SVEP1: variants seen among roughly 807,000 people sequenced by gnomAD.
The protein encoded by SVEP1 is sushi, von Willebrand factor type A, EGF and pentraxin domain-containing protein 1.
In SVEP1, 164 loss-of-function variants were observed where a neutral mutation model predicts 367.3. The ratio of observed to expected loss-of-function variants is 0.45; its 90% CI spans 0.39 to 0.51. SVEP1 has a LOEUF of 0.51. Among genes scored for constraint, SVEP1 ranks in the 20% least tolerant of loss-of-function variants. The pLI is 0.00. For synonymous variants in SVEP1, 1,666 were observed against 1,611.6 expected, an observed-to-expected ratio of 1.03 and a Z score of -0.81; for missense variants, 4,117 against 4,425.3, an observed-to-expected ratio of 0.93 and a Z score of 1.98.
chr9:110,512,959 C>CAT lies in SVEP1; in HGVS notation c.1268_1269dup (p.Gly424MetfsTer13). ...TAGCTCTCTGAACCGGACCACAAAC[C>CAT]ATTGGGTAGACATAAGATGATGCTG... is the stretch of plus-strand genomic sequence containing the variant. On this transcript the variant is annotated frameshift_variant, in exon 5 of 48. Transcript: ENST00000374469. LOFTEE classifies it high-confidence loss of function. 1 of 1,613,932 alleles carries CAT rather than the reference C, an allele frequency of 6.2e-7. No individual in the cohort carries two copies. The highest frequency in any genetic ancestry group is 8.5e-7 in the Non-Finnish European group (1 of 1,179,872).
intron 1 of SVEP1, among the ~76,000 whole-genome samples, chr9:110,567,636 G>A (rs1309624930): frequency 6.6e-6 from 1 of 152,160 alleles, no homozygotes; most frequent in Non-Finnish European, 1.5e-5. Flanking sequence ...TCTTACTGCT[G>A]GAGTTGTCTG....
chr9:110,572,898 A>G (rs1830583513), intron 1 of SVEP1, among the ~76,000 whole-genome samples: 1 of 151,560 alleles, frequency 6.6e-6, no homozygotes, highest in Non-Finnish European at 1.5e-5. Context: ...TTCATTATTC[A>G]TTCATTCCAT....
intron 39 of SVEP1, among the ~76,000 whole-genome samples, chr9:110,402,328 C>T (rs1827876821): frequency 6.6e-6 from 1 of 152,084 alleles, no homozygotes; most frequent in African/African-American, 2.4e-5. Flanking sequence ...TCTGGAGAGA[C>T]TGGTCCTCTT....
chr9:110,385,332 C>T (rs1325501539), intron 43 of SVEP1, among the ~76,000 whole-genome samples: 3 of 152,138 alleles, frequency 2.0e-5, no homozygotes, highest in African/African-American at 2.4e-5. Flanking sequence ...AAAAACGTTG[C>T]GTTATCACAA....
At chr9:110,542,930 G>A (rs1032292411) in intron 3 of SVEP1, among the ~76,000 whole-genome samples, 10 of 148,356 alleles carry the variant, frequency 6.7e-5, no homozygotes, top group East Asian at 2.0e-4. Context: ...AAACCTGCAC[G>A]TTGTGCACAT....
At chr9:110,447,125 A>T in intron 24 of SVEP1, 68 bp from the exon 25 acceptor site, 1 of 1,286,124 alleles carries the variant, frequency 7.8e-7, no homozygotes, top group Non-Finnish European at 9.9e-7. Flanking sequence ...TGATAATCTT[A>T]TCTCGAAAGA....
At chr9:110,392,886 T>C (rs1408824087) in intron 40 of SVEP1, among the ~76,000 whole-genome samples, 3 of 152,204 alleles carry the variant, frequency 2.0e-5, no homozygotes, top group Non-Finnish European at 4.4e-5. Context: ...ACTTTCGATG[T>C]GTAGTCTTTG....
At chr9:110,544,065 A>C (rs1402958916) in intron 3 of SVEP1, among the ~76,000 whole-genome samples, 1 of 152,088 alleles carries the variant, frequency 6.6e-6, no homozygotes, top group African/African-American at 2.4e-5. Flanking sequence ...TCAAGGCCAG[A>C]GGAAGCAGGA....
chr9:110,546,497 T>C (rs574451280), intron 2 of SVEP1, among the ~76,000 whole-genome samples: 3 of 152,322 alleles, frequency 2.0e-5, no homozygotes, highest in Non-Finnish European at 4.4e-5. Flanking sequence ...GTTAAGTTAT[T>C]CCAGTCTGGG....
rs142438137 is a variant in SVEP1, at chr9:110,520,120, C to T, written c.965-6014G>A. Among the ~76,000 whole-genome samples, 667 of 152,030 alleles carry T rather than the reference C, an allele frequency of 4.4e-3. 3 individuals are homozygous for T. Among genetic ancestry groups the T allele is most frequent in the Middle Eastern group, 0.024 (7 of 294 alleles). On this transcript the variant is annotated intron_variant, in intron 3 of 47. Transcript: ENST00000374469. The stretch of plus-strand genomic sequence containing the variant: ...AATAATCAAGAGTTTAAAACACTGG[C>T]GAACAGAGTTTTGAATAAAAATACC...
At chr9:110,377,751 C>A (rs1206797689) in intron 44 of SVEP1, among the ~76,000 whole-genome samples, 1 of 152,140 alleles carries the variant, frequency 6.6e-6, no homozygotes, top group Non-Finnish European at 1.5e-5. Context: ...ATCCTTTCAG[C>A]AAATTTTCAG....
chr9:110,535,488 T>C (rs920786625), intron 3 of SVEP1, among the ~76,000 whole-genome samples: 6 of 152,198 alleles, frequency 3.9e-5, no homozygotes, highest in Non-Finnish European at 5.9e-5. Context: ...TAGGATTGTC[T>C]TGGCTATTCT....
chr9:110,476,611 C>A lies in SVEP1; in HGVS notation c.2488-296G>T, dbSNP rs144954574. ...CTTTCGCTATATGGCTCTTTGGAAC[C>A]CTTTCTCTGACCCCATCTCCCACTC... On this transcript the variant is annotated intron_variant, in intron 13 of 47. Coordinates refer to ENST00000374469, the MANE Select transcript of SVEP1 (RefSeq NM_153366.4). 9.1e-4 allele frequency among the ~76,000 whole-genome samples: 139 copies of A among 152,236 alleles called. 2 individuals carry two copies. Among genetic ancestry groups the A allele is most frequent in the Admixed American group, 7.5e-3 (114 of 15,282 alleles).
chr9:110,385,757 A>C, intron 43 of SVEP1, 141 bp downstream of exon 43: 1 of 941,468 alleles, frequency 1.1e-6, no homozygotes, highest in Non-Finnish European at 1.4e-6. Flanking sequence ...AAATTTACAA[A>C]CATTAATGAG....
chr9:110,484,223 G>C (rs1186618622), intron 9 of SVEP1, among the ~76,000 whole-genome samples: 4 of 152,328 alleles, frequency 2.6e-5, no homozygotes, highest in African/African-American at 7.2e-5. Flanking sequence ...AGGCTAGGAG[G>C]TTATGTCCAG....
chr9:110,569,456 CA>C (rs11368565), intron 1 of SVEP1, among the ~76,000 whole-genome samples: 2,559 of 116,888 alleles, frequency 0.022, 35 homozygotes, highest in African/African-American at 0.057. Context: ...AACTCAGTCT[CA>C]AAAAAAAAAA....
intron 17 of SVEP1, among the ~76,000 whole-genome samples, chr9:110,466,955 CA>C (rs1564151099): frequency 6.6e-6 from 1 of 151,964 alleles, no homozygotes; most frequent in Admixed American, 6.6e-5. Flanking sequence ...GGACTTTGGC[CA>C]GATGCCCTGA....
At chr9:110,434,927 C>T (rs1272025217) in intron 29 of SVEP1, among the ~76,000 whole-genome samples, 2 of 151,776 alleles carry the variant, frequency 1.3e-5, no homozygotes, top group Non-Finnish European at 2.9e-5. Flanking sequence ...CAAAAGAGTA[C>T]CCCATCTCAA....
intron 40 of SVEP1, among the ~76,000 whole-genome samples, chr9:110,395,396 A>T (rs12855322): frequency 5.3e-5 from 8 of 152,188 alleles, no homozygotes; most frequent in African/African-American, 9.7e-5. Context: ...CACTGCAAAA[A>T]CATGCCAAAT....
Sources: allele counts gnomAD v4.1 joint callset (sites outside exome capture counted in the v4.1 genomes callset), GRCh38; gene constraint gnomAD v4.1.1; transcripts MANE v1.5; gene names NCBI Gene and HGNC (gene_info 2026-07-23, HGNC 2026-07-21).